Variants in SLC16A1 observed in about 807,000 individuals in gnomAD.
SLC16A1 encodes solute carrier family 16 member 1.
A neutral mutation model predicts 32.2 loss-of-function variants in SLC16A1; 11 were observed. That is an observed-to-expected ratio of 0.34 (90% CI 0.21 to 0.56). SLC16A1 has a LOEUF of 0.56. SLC16A1 is among the 20% of genes least tolerant of loss of function. SLC16A1 has a pLI of 0.87. For synonymous variants in SLC16A1, 231 were observed against 226.8 expected, an observed-to-expected ratio of 1.02 and a Z score of -0.17; for missense variants, 435 against 615.0, an observed-to-expected ratio of 0.71 and a Z score of 3.10.
chr1:112,942,194 A>T (rs1268555236), intron 1 of SLC16A1, among the ~76,000 whole-genome samples: 1 of 149,614 alleles, frequency 6.7e-6, no homozygotes. Flanking sequence ...CTGGTCTCAA[A>T]CTCCTGACCT....
intron 1 of SLC16A1, among the ~76,000 whole-genome samples, chr1:112,937,259 A>G (rs2101641368): frequency 6.6e-6 from 1 of 152,342 alleles, no homozygotes; most frequent in African/African-American, 2.4e-5. Flanking sequence ...GCTGCCAGCT[A>G]TGATTTGTCC....
intron 2 of SLC16A1, among the ~76,000 whole-genome samples, chr1:112,925,961 T>C (rs1345769287): frequency 1.3e-5 from 2 of 152,222 alleles, no homozygotes; most frequent in African/African-American, 4.8e-5. Context: ...CAGGGCACCC[T>C]GTTTTAAGTT....
At chr1:112,926,795 C>T (rs914808291) in intron 2 of SLC16A1, among the ~76,000 whole-genome samples, 2 of 151,882 alleles carry the variant, frequency 1.3e-5, no homozygotes, top group African/African-American at 4.8e-5. Context: ...GACCGATCAC[C>T]TGAGGCCAGG....
chr1:112,923,719 C>T (rs1570625762), intron 2 of SLC16A1: 6 of 1,537,252 alleles, frequency 3.9e-6, no homozygotes, highest in Middle Eastern at 2.1e-4. Context: ...GTGGAAGAGA[C>T]ACTGAGTGCC....
At chr1:112,950,082 G>T (rs1444977721) in intron 1 of SLC16A1, among the ~76,000 whole-genome samples, 4 of 152,100 alleles carry the variant, frequency 2.6e-5, no homozygotes, top group African/African-American at 9.7e-5. Context: ...TACAACTATG[G>T]TTTGTTGCCT....
chr1:112,944,881 TG>T (rs1649639963), intron 1 of SLC16A1, among the ~76,000 whole-genome samples: 2 of 152,152 alleles, frequency 1.3e-5, no homozygotes, highest in African/African-American at 4.8e-5. Context: ...TTAGTAGACA[TG>T]GGGTTTCACC....
chr1:112,928,059 A>G (rs998920590), intron 2 of SLC16A1, among the ~76,000 whole-genome samples: 4 of 152,146 alleles, frequency 2.6e-5, no homozygotes, highest in African/African-American at 9.7e-5. Flanking sequence ...AAAAAACACT[A>G]CAATTAAGCA....
intron 2 of SLC16A1, chr1:112,923,726 T>C: frequency 3.3e-6 from 5 of 1,536,596 alleles, no homozygotes; most frequent in Non-Finnish European, 4.5e-6. Context: ...AGACACTGAG[T>C]GCCTGCCACC....
At chr1:112,937,956 G>A (rs375814648) in intron 1 of SLC16A1, among the ~76,000 whole-genome samples, 24 of 152,092 alleles carry the variant, frequency 1.6e-4, no homozygotes, top group East Asian at 3.9e-4. Flanking sequence ...TTTTTTTCTC[G>A]TAACTCTCAT....
chr1:112,928,044 T>G (rs184572571), intron 2 of SLC16A1, among the ~76,000 whole-genome samples: 1 of 152,036 alleles, frequency 6.6e-6, no homozygotes, highest in African/African-American at 2.4e-5. Flanking sequence ...TCTGAACTTA[T>G]TAAAAAAAAA....
intron 1 of SLC16A1, among the ~76,000 whole-genome samples, chr1:112,951,497 A>G (rs537038389): frequency 6.6e-6 from 1 of 152,342 alleles, no homozygotes; most frequent in East Asian, 1.9e-4. Context: ...CAGATCATCA[A>G]TAAGAGTGTT....
chr1:112,954,818 C>G (rs145916081), intron 1 of SLC16A1, among the ~76,000 whole-genome samples: 1 of 152,162 alleles, frequency 6.6e-6, no homozygotes, highest in Non-Finnish European at 1.5e-5. Flanking sequence ...TGCTAAATAT[C>G]TTGAATTGTT....
chr1:112,926,761 C>G (rs1648954805), intron 2 of SLC16A1, among the ~76,000 whole-genome samples: 1 of 151,838 alleles, frequency 6.6e-6, no homozygotes, highest in Non-Finnish European at 1.5e-5. Flanking sequence ...GTAGTCCTAG[C>G]TACTTGGCAG....
chr1:112,919,011 T>TTTTTTTTATTTATTTATTTA (rs1553208041), intron 3 of SLC16A1, among the ~76,000 whole-genome samples: 3 of 144,224 alleles, frequency 2.1e-5, no homozygotes, highest in African/African-American at 7.7e-5. Flanking sequence ...TACTAATTTA[T>TTTTTTTTATTTATTTATTTA]TTTATTTATT....
At chr1:112,925,604 C>A (rs1648913051) in intron 2 of SLC16A1, among the ~76,000 whole-genome samples, 1 of 151,596 alleles carries the variant, frequency 6.6e-6, no homozygotes, top group Non-Finnish European at 1.5e-5. Flanking sequence ...GTCTTGTAAT[C>A]CCGGACTCAA....
At chr1:112,918,085 TA>T (rs1557844469) in intron 3 of SLC16A1, 41 bp from the exon 4 acceptor site, 1 of 1,106,458 alleles carries the variant, frequency 9.0e-7, no homozygotes, top group Non-Finnish European at 1.1e-6. Context: ...AATAAATAAA[TA>T]AATAAATAAA....
rs12069981 is a variant in SLC16A1, at chr1:112,949,019, A to G, written c.-45+7016T>C. Among the ~76,000 whole-genome samples, 843 of 150,786 alleles carry G rather than the reference A, an allele frequency of 5.6e-3. 9 individuals carry two copies. Among genetic ancestry groups the G allele is most frequent in the African/African-American group, 0.019 (794 of 40,936 alleles). ...TTAATTTTTTGTATTTTTAGTAGTAAAATATTTGCATTTTTAGTAGTAGAG... is the reference window on the plus strand; with the variant it reads ...TTAATTTTTTGTATTTTTAGTAGTAGAATATTTGCATTTTTAGTAGTAGAG... On this transcript the variant is annotated intron_variant, in intron 1 of 4. Coordinates refer to ENST00000369626, the MANE Select transcript of SLC16A1 (RefSeq NM_003051.4).
intron 1 of SLC16A1, among the ~76,000 whole-genome samples, chr1:112,934,033 C>T (rs950651287): frequency 6.6e-6 from 1 of 151,834 alleles, no homozygotes; most frequent in African/African-American, 2.4e-5. Context: ...CTGATGCATG[C>T]GATAACATGG....
At chr1:112,914,954 T>C (rs1304169651) in intron 4 of SLC16A1, among the ~76,000 whole-genome samples, 5 of 152,242 alleles carry the variant, frequency 3.3e-5, no homozygotes, top group African/African-American at 7.2e-5. Context: ...GTAACTTTCA[T>C]TACTGTAAAA....
Sources: allele counts gnomAD v4.1 joint callset (sites outside exome capture counted in the v4.1 genomes callset), GRCh38; gene constraint gnomAD v4.1.1; transcripts MANE v1.5; gene names NCBI Gene and HGNC (gene_info 2026-07-23, HGNC 2026-07-21).